The following PIP5K1B variants were observed in gnomAD, a reference collection of about 807,000 sequenced individuals.
PIP5K1B encodes the protein phosphatidylinositol-4-phosphate 5-kinase type 1 beta, also known as phosphatidylinositol 4-phosphate 5-kinase type-1 beta.
PIP5K1B carries 42 observed loss-of-function variants against 67.0 expected under a neutral mutation model. The ratio of observed to expected loss-of-function variants is 0.63; its 90% CI spans 0.49 to 0.81. PIP5K1B has a LOEUF of 0.81. PIP5K1B is among the 30% of genes least tolerant of loss of function. PIP5K1B has a pLI of 0.00. For missense variants in PIP5K1B, 459 were observed against 646.3 expected (o/e 0.71, Z 3.14); for synonymous variants, 214 against 231.4 (o/e 0.92, Z 0.68).
intron 8 of PIP5K1B, among the ~76,000 whole-genome samples, chr9:68,908,411 A>G (rs1201893345): frequency 6.6e-6 from 1 of 151,846 alleles, no homozygotes; most frequent in Non-Finnish European, 1.5e-5. Flanking sequence ...ATCTTTTTAA[A>G]TGATGGATGG....
chr9:68,931,096 T>C lies in PIP5K1B; in HGVS notation c.1202-3794T>C, dbSNP rs547151419. Among the ~76,000 whole-genome samples, 3 of 152,224 alleles carry C rather than the reference T, an allele frequency of 2.0e-5. No homozygotes were observed. In the East Asian group the frequency reaches 5.8e-4, roughly 29 times the overall value. The stretch of plus-strand genomic sequence containing the variant: ...TTTTGAAGTCAGTGTTTTTTAACCT[T>C]TTTAAATCCCTTCATCCCACCCACA... On this transcript the variant is annotated intron_variant, in intron 12 of 15. Coordinates refer to ENST00000265382, the MANE Select transcript of PIP5K1B (RefSeq NM_003558.4).
intron 15 of PIP5K1B, among the ~76,000 whole-genome samples, chr9:68,999,328 C>T (rs1830718958): frequency 6.6e-6 from 1 of 152,202 alleles, no homozygotes. Flanking sequence ...ATTCAGCCCA[C>T]CCCTCTACCT....
chr9:68,944,620 C>T (rs1286560800), intron 14 of PIP5K1B, among the ~76,000 whole-genome samples: 4 of 152,166 alleles, frequency 2.6e-5, no homozygotes, highest in South Asian at 4.1e-4. Flanking sequence ...GTCATTTACA[C>T]GTAGAGGGAA....
rs565601858 is a variant in PIP5K1B, at chr9:68,932,051, T to C, written c.1202-2839T>C. 1.6e-4 allele frequency among the ~76,000 whole-genome samples: 24 copies of C among 152,352 alleles called. No homozygotes were observed. The South Asian group carries it at 5.0e-3, about 32-fold the overall frequency. ...CAGAGGTTTGTTTTCCGGTCTTCTC[T>C]GCTCCTCATTATACGTGATGCTGAT... On this transcript the variant is annotated intron_variant, in intron 12 of 15. Transcript: ENST00000265382.
intron 1 of PIP5K1B, among the ~76,000 whole-genome samples, chr9:68,715,793 A>T (rs1162741655): frequency 6.6e-6 from 1 of 152,238 alleles, no homozygotes; most frequent in African/African-American, 2.4e-5. Context: ...GAACCACTTC[A>T]TATTGCCGAT....
chr9:68,898,109 C>G (rs1220881401), intron 8 of PIP5K1B, among the ~76,000 whole-genome samples: 1 of 152,156 alleles, frequency 6.6e-6, no homozygotes, highest in African/African-American at 2.4e-5. Context: ...GTATAATAAG[C>G]CTGCCCTTTG....
At chr9:68,755,887 A>G (rs988679229) in intron 2 of PIP5K1B, among the ~76,000 whole-genome samples, 6 of 152,218 alleles carry the variant, frequency 3.9e-5, no homozygotes, top group Admixed American at 3.9e-4. Flanking sequence ...AGCCTGAAAA[A>G]CAATGCTTAG....
chr9:68,854,542 AAAAATAAAC>A, intron 4 of PIP5K1B, among the ~76,000 whole-genome samples: 1 of 152,216 alleles, frequency 6.6e-6, no homozygotes, highest in African/African-American at 2.4e-5. Flanking sequence ...AGTGGGAGAC[AAAAATAAAC>A]TTGTTATGAT....
In PIP5K1B at chr9:69,008,613, G is replaced by T. The variant is rs146005407; in HGVS notation, c.*164G>T. 2 of 695,206 alleles carry T rather than the reference G, an allele frequency of 2.9e-6. No individual in the cohort carries two copies. The highest frequency in any genetic ancestry group is 5.4e-5 in the East Asian group (2 of 36,952). The allele number at this position is 695,206 out of a possible 1,614,324, so 43.1% of individuals were successfully genotyped here. On this transcript the variant is annotated 3_prime_UTR_variant, in exon 16 of 16. Transcript: ENST00000265382. ...GTTTTCAAGATGTCAACTTCAGGCT[G>T]ATCAGCAGATGGGATGTGAAAAATA...
At chr9:68,728,777 C>G (rs1168143298) in intron 1 of PIP5K1B, 1 of 152,090 alleles carries the variant, frequency 6.6e-6, no homozygotes, top group Non-Finnish European at 1.5e-5. Context: ...TGATGAGAAG[C>G]CATTAGAGGG....
intron 15 of PIP5K1B, among the ~76,000 whole-genome samples, chr9:68,997,472 T>C (rs1465861133): frequency 2.0e-5 from 3 of 152,090 alleles, no homozygotes; most frequent in African/African-American, 4.8e-5. Context: ...GGGTTTTTGG[T>C]AGATTTTAGT....
chr9:68,894,780 GC>G, intron 8 of PIP5K1B, 142 bp downstream of exon 8: 1 of 755,646 alleles, frequency 1.3e-6, no homozygotes, highest in Non-Finnish European at 2.2e-6. Context: ...CTGGCGCTGA[GC>G]CATGCTTCCC....
At chr9:68,859,712 A>G (rs1822964194) in intron 4 of PIP5K1B, among the ~76,000 whole-genome samples, 1 of 152,170 alleles carries the variant, frequency 6.6e-6, no homozygotes, top group African/African-American at 2.4e-5. Flanking sequence ...GGAAAGGACT[A>G]TTGGTTCTAA....
intron 1 of PIP5K1B, among the ~76,000 whole-genome samples, chr9:68,722,132 G>T (rs535635743): frequency 2.0e-5 from 3 of 152,076 alleles, no homozygotes; most frequent in Non-Finnish European, 4.4e-5. Context: ...AAGCAGATTC[G>T]AGTCCTGACA....
intron 2 of PIP5K1B, among the ~76,000 whole-genome samples, chr9:68,767,762 A>C (rs1421465623): frequency 6.6e-6 from 1 of 152,116 alleles, no homozygotes; most frequent in Non-Finnish European, 1.5e-5. Flanking sequence ...AATAGGTGCC[A>C]AAAATACTAA....
chr9:68,975,370 C>T (rs984106379), intron 14 of PIP5K1B, among the ~76,000 whole-genome samples: 6 of 152,198 alleles, frequency 3.9e-5, no homozygotes, highest in South Asian at 4.1e-4. Context: ...CACCCAGCCA[C>T]GTCTTACTTT....
At chr9:68,951,708 T>C (rs1340720164) in intron 14 of PIP5K1B, among the ~76,000 whole-genome samples, 1 of 152,174 alleles carries the variant, frequency 6.6e-6, no homozygotes, top group Non-Finnish European at 1.5e-5. Context: ...AAAAAGGTAT[T>C]GATTGATTTT....
At chr9:68,880,778 C>A (rs1294278371) in intron 6 of PIP5K1B, among the ~76,000 whole-genome samples, 1 of 152,150 alleles carries the variant, frequency 6.6e-6, no homozygotes, top group Non-Finnish European at 1.5e-5. Context: ...AAGGCAGTGG[C>A]CTTAGCTAAA....
intron 4 of PIP5K1B, among the ~76,000 whole-genome samples, chr9:68,845,979 T>A (rs1366119387): frequency 6.6e-6 from 1 of 152,254 alleles, no homozygotes; most frequent in African/African-American, 2.4e-5. Context: ...CTAGGATTTA[T>A]CTTTCATATG....
Sources: allele counts gnomAD v4.1 joint callset (sites outside exome capture counted in the v4.1 genomes callset), GRCh38; gene constraint gnomAD v4.1.1; transcripts MANE v1.5; gene names NCBI Gene and HGNC (gene_info 2026-07-23, HGNC 2026-07-21).